HELZ: variants seen among roughly 807,000 people sequenced by gnomAD.
The protein encoded by HELZ is helicase with zinc finger.
A neutral mutation model predicts 218.2 loss-of-function variants in HELZ; 23 were observed. That is an observed-to-expected ratio of 0.11 (90% CI 0.08 to 0.15). The LOEUF (loss-of-function observed/expected upper bound fraction) is 0.15. Among genes scored for constraint, HELZ ranks in the 10% least tolerant of loss-of-function variants. HELZ has a pLI of 1.00. For synonymous variants in HELZ, 814 were observed against 829.4 expected, an observed-to-expected ratio of 0.98 and a Z score of 0.32; for missense variants, 1,813 against 2,353.7, an observed-to-expected ratio of 0.77 and a Z score of 4.75.
chr17:67,097,579 C>T (rs1372455615), intron 31 of HELZ, among the ~76,000 whole-genome samples: 5 of 152,178 alleles, frequency 3.3e-5, no homozygotes, highest in African/African-American at 4.8e-5. Flanking sequence ...CATCCATATA[C>T]AAGGTCATAG....
At chr17:67,244,487 T>G (rs2041414096) in intron 1 of HELZ, 1 of 490,736 alleles carries the variant, frequency 2.0e-6, no homozygotes, top group Non-Finnish European at 2.6e-6. Flanking sequence ...TTGAAAAGGG[T>G]ACTGGAGTAC....
At chr17:67,090,056 GC>G (rs575463943) in intron 31 of HELZ, among the ~76,000 whole-genome samples, 262 of 152,156 alleles carry the variant, frequency 1.7e-3, no homozygotes, top group African/African-American at 6.0e-3. Flanking sequence ...TGTTATAGAT[GC>G]CCTTTAACAG....
At chr17:67,190,679 T>A (rs1219455745) in intron 9 of HELZ, among the ~76,000 whole-genome samples, 1 of 152,138 alleles carries the variant, frequency 6.6e-6, no homozygotes, top group Non-Finnish European at 1.5e-5. Context: ...ACTAGACAAT[T>A]CCTCTTAGTG....
At chr17:67,231,654 G>A (rs1296417790) in intron 3 of HELZ, among the ~76,000 whole-genome samples, 1 of 151,570 alleles carries the variant, frequency 6.6e-6, no homozygotes, top group East Asian at 1.9e-4. Flanking sequence ...AACGTGCCGT[G>A]GAAACCTAAG....
chr17:67,157,031 C>T (rs1168420191), intron 17 of HELZ, among the ~76,000 whole-genome samples: 4 of 152,100 alleles, frequency 2.6e-5, no homozygotes, highest in Non-Finnish European at 4.4e-5. Flanking sequence ...ACCTCCCACA[C>T]GTACACTCAC....
chr17:67,177,680 G>C (rs1052017582), intron 13 of HELZ, among the ~76,000 whole-genome samples: 4 of 151,340 alleles, frequency 2.6e-5, no homozygotes, highest in African/African-American at 9.7e-5. Context: ...ACCATCAATG[G>C]GCCAGGATTT....
At chr17:67,178,490 A>C (rs2039519655) in intron 13 of HELZ, among the ~76,000 whole-genome samples, 169 bp downstream of exon 13, 1 of 152,236 alleles carries the variant, frequency 6.6e-6, no homozygotes, top group Admixed American at 6.5e-5. Context: ...GGTGAGCATG[A>C]GACAGTTCTT....
Position 67,132,218 on chromosome 17 carries a change from C to CTGTGTGTGTG in HELZ, c.3183-3373_3183-3364dup, listed in dbSNP as rs57691319. The stretch of plus-strand genomic sequence containing the variant: ...AAAATCACTTGGTGTCCTTAGGTCA[C>CTGTGTGTGTG]TGTGTGTGTGTGTGTGTGTGTGTGT... On this transcript the variant is annotated intron_variant, in intron 23 of 32. Transcript: ENST00000358691. 9.7e-3 allele frequency among the ~76,000 whole-genome samples: 1,437 copies of CTGTGTGTGTG among 147,960 alleles called. 21 individuals carry two copies. Among genetic ancestry groups the CTGTGTGTGTG allele is most frequent in the African/African-American group, 0.032 (1,307 of 40,604 alleles).
chr17:67,083,797 G>C (rs2036271301), intron 32 of HELZ, among the ~76,000 whole-genome samples: 1 of 152,188 alleles, frequency 6.6e-6, no homozygotes, highest in African/African-American at 2.4e-5. Context: ...CAGTGCAACT[G>C]GGTCACCCCC....
chr17:67,195,552 A>G, intron 7 of HELZ, 82 bp from the exon 8 acceptor site: 2 of 799,666 alleles, frequency 2.5e-6, no homozygotes, highest in Non-Finnish European at 4.3e-6. Context: ...CAATATTAAA[A>G]CAAAGGTGAA....
chr17:67,154,894 T>C (rs892059899), intron 17 of HELZ, among the ~76,000 whole-genome samples: 1 of 152,158 alleles, frequency 6.6e-6, no homozygotes, highest in Non-Finnish European at 1.5e-5. Flanking sequence ...AAGTTAATCA[T>C]GAAAAAAATC....
chr17:67,085,448 A>G (rs1465337106), intron 32 of HELZ, among the ~76,000 whole-genome samples: 1 of 152,128 alleles, frequency 6.6e-6, no homozygotes, highest in Admixed American at 6.5e-5. Flanking sequence ...AGACAAAGCA[A>G]CCCGAGGCAA....
intron 26 of HELZ, among the ~76,000 whole-genome samples, chr17:67,121,935 T>C (rs1230422362): frequency 2.6e-5 from 4 of 152,196 alleles, no homozygotes; most frequent in African/African-American, 9.6e-5. Context: ...AATAAAAAGA[T>C]AAAATGAAAA....
Position 67,178,586 on chromosome 17 carries a change from T to A in HELZ, c.1430+73A>T, listed in dbSNP as rs528792592. On this transcript the variant is annotated intron_variant, in intron 13 of 32. Transcript: ENST00000358691. ...ACTACCTGTCTTCACTTAGGCACACTTTCATTTTAAAGATTAGAAATACCA... is the reference window on the plus strand; with the variant it reads ...ACTACCTGTCTTCACTTAGGCACACATTCATTTTAAAGATTAGAAATACCA... The A allele has an allele frequency of 4.9e-5, 63 of 1,286,642 alleles. No homozygotes were observed. The South Asian group carries it at 8.3e-4, about 17-fold the overall frequency. The allele number at this position is 1,286,642 out of a possible 1,614,324, so 79.7% of individuals were successfully genotyped here. A position where few individuals can be genotyped will look rare whatever the true frequency, so the allele number is the denominator to read the frequency against.
Position 67,202,572 on chromosome 17 carries a change from G to C in HELZ, c.372+747C>G, listed in dbSNP as rs998235812. On this transcript the variant is annotated intron_variant, in intron 6 of 32. Transcript: ENST00000358691. ...TGAATAGAGTTAGCTAGTTCCATCAGAGTGGTTATGGATATTACTTACACA... is the reference window on the plus strand; with the variant it reads ...TGAATAGAGTTAGCTAGTTCCATCACAGTGGTTATGGATATTACTTACACA... Among the ~76,000 whole-genome samples, 4 of 152,154 alleles carry C rather than the reference G, an allele frequency of 2.6e-5. No individual in the cohort carries two copies. The East Asian group carries it at 7.7e-4, about 29-fold the overall frequency.
chr17:67,140,869 G>A (rs1329261056), intron 21 of HELZ, among the ~76,000 whole-genome samples: 5 of 152,098 alleles, frequency 3.3e-5, no homozygotes, highest in African/African-American at 7.2e-5. Context: ...ATTCCAGTAA[G>A]ACTAACAGAT....
intron 17 of HELZ, among the ~76,000 whole-genome samples, chr17:67,157,155 T>G (rs1443785067): frequency 6.6e-6 from 1 of 152,220 alleles, no homozygotes; most frequent in African/African-American, 2.4e-5. Context: ...CACCATGCTT[T>G]CTATAAAGCC....
intron 20 of HELZ, among the ~76,000 whole-genome samples, chr17:67,146,614 A>G (rs1007474563): frequency 3.3e-5 from 5 of 152,208 alleles, no homozygotes; most frequent in African/African-American, 9.7e-5. Flanking sequence ...CAACTGAAAG[A>G]CAGTCAAGCC....
rs544282057 is a variant in HELZ at position 67,129,449 on chromosome 17, G to A, written c.3183-594C>T. On this transcript the variant is annotated intron_variant, in intron 23 of 32. Coordinates refer to ENST00000358691, the MANE Select transcript of HELZ (RefSeq NM_014877.4). ...GTGTGTGTATATATTTGAATTATAA[G>A]GCCAAAGTAGCCTAGTGTTAGATGA... Among the ~76,000 whole-genome samples the A allele has an allele frequency of 1.6e-4, 25 of 151,932 alleles. No homozygotes were observed. The East Asian group carries it at 4.5e-3, about 27-fold the overall frequency.
Sources: allele counts gnomAD v4.1 joint callset (sites outside exome capture counted in the v4.1 genomes callset), GRCh38; gene constraint gnomAD v4.1.1; transcripts MANE v1.5; gene names NCBI Gene and HGNC (gene_info 2026-07-23, HGNC 2026-07-21).